FGF12: variants seen among roughly 807,000 people sequenced by gnomAD.
The protein encoded by FGF12 is fibroblast growth factor 12B.
A neutral mutation model predicts 23.6 loss-of-function variants in FGF12; 14 were observed. The ratio of observed to expected loss-of-function variants is 0.59; its 90% confidence interval spans 0.39 to 0.93. The LOEUF (loss-of-function observed/expected upper bound fraction) is 0.93. Among genes scored for constraint, FGF12 ranks in the 40% least tolerant of loss-of-function variants. The probability of loss-of-function intolerance (pLI) is 0.00; values close to 1 mark genes in which losing one functional copy is unlikely to be tolerated. For synonymous variants in FGF12, 62 were observed against 77.3 expected (o/e 0.80, Z 1.04); for missense variants, 175 against 217.8 (o/e 0.80, Z 1.24).
At chr3:192,458,295 T>A (rs1210983765) in intron 2 of FGF12, among the ~76,000 whole-genome samples, 2 of 152,058 alleles carry the variant, frequency 1.3e-5, no homozygotes, top group African/African-American at 2.4e-5. Flanking sequence ...GACCCCAGAA[T>A]GGCAGATCTA....
At chr3:192,531,060 C>A (rs1261929965) in intron 2 of FGF12, among the ~76,000 whole-genome samples, 1 of 152,224 alleles carries the variant, frequency 6.6e-6, no homozygotes, top group African/African-American at 2.4e-5. Context: ...GATGCACCCA[C>A]CTCGGCCTCT....
intron 4 of FGF12, among the ~76,000 whole-genome samples, chr3:192,224,602 A>C (rs75451025): frequency 0.014 from 2,152 of 152,066 alleles, 40 homozygotes; most frequent in East Asian, 0.051. Context: ...CTTATTCTTA[A>C]ATTTCTTCTT....
intron 2 of FGF12, among the ~76,000 whole-genome samples, chr3:192,484,001 A>G (rs1238379910): frequency 1.3e-5 from 2 of 152,172 alleles, no homozygotes; most frequent in African/African-American, 4.8e-5. Flanking sequence ...ACTGATCAAT[A>G]TAAAAAAAAT....
At chr3:192,564,973 T>C (rs1712210148) in intron 2 of FGF12, among the ~76,000 whole-genome samples, 1 of 152,226 alleles carries the variant, frequency 6.6e-6, no homozygotes. Context: ...CTGACATTAC[T>C]ACTGATCTCA....
intron 2 of FGF12, among the ~76,000 whole-genome samples, chr3:192,699,268 T>C (rs558112734): frequency 6.6e-6 from 1 of 152,332 alleles, no homozygotes; most frequent in East Asian, 1.9e-4. Context: ...TTCATTTTGT[T>C]ATACCTTAGT....
rs1050118204 is a variant in FGF12 at position 192,409,507 on chromosome 3, C to T, written c.14-48969G>A. Among the ~76,000 whole-genome samples, 2 of 152,236 alleles carry T rather than the reference C, an allele frequency of 1.3e-5. No individual in the cohort carries two copies. Among genetic ancestry groups the T allele is most frequent in the African/African-American group, 2.4e-5 (1 of 41,474 alleles). ...GCTCGCGCGCCCCGGCAGTCAGCAG[C>T]TCACAGGCAGCAGATCAGATGGGGA... On this transcript the variant is annotated intron_variant, in intron 2 of 5. Coordinates refer to ENST00000445105, the MANE Select transcript of FGF12 (RefSeq NM_004113.6). The surrounding 1 kb of genome is among the most constrained non-coding windows in gnomAD (Gnocchi z 4.8).
intron 4 of FGF12, among the ~76,000 whole-genome samples, chr3:192,323,617 G>T (rs773527872): frequency 2.0e-4 from 31 of 152,164 alleles, no homozygotes; most frequent in Non-Finnish European, 4.3e-4. Context: ...TAGTTAGATA[G>T]AATGTTTCAG....
chr3:192,149,920 C>T (rs1164379717), intron 5 of FGF12, among the ~76,000 whole-genome samples: 1 of 111,388 alleles, frequency 9.0e-6, no homozygotes, highest in Non-Finnish European at 1.9e-5. Context: ...AACTAGTTTA[C>T]AGTCCCACCA....
chr3:192,500,906 T>C (rs1724115583), intron 2 of FGF12, among the ~76,000 whole-genome samples: 1 of 152,184 alleles, frequency 6.6e-6, no homozygotes, highest in African/African-American at 2.4e-5. Context: ...CAAGATCGCA[T>C]AAGTGGTACC....
intron 2 of FGF12, among the ~76,000 whole-genome samples, chr3:192,564,524 T>G (rs1283462148): frequency 2.0e-5 from 3 of 152,206 alleles, no homozygotes; most frequent in Admixed American, 1.3e-4. Context: ...ATGTGATATG[T>G]CTAATGAATT....
At chr3:192,646,217 A>AATCT (rs1418919039) in intron 2 of FGF12, among the ~76,000 whole-genome samples, 7 of 151,708 alleles carry the variant, frequency 4.6e-5, no homozygotes, top group Non-Finnish European at 7.4e-5. Flanking sequence ...ACACAATATC[A>AATCT]ATCAATCAAT....
At chr3:192,630,047 A>T (rs1397679599) in intron 2 of FGF12, among the ~76,000 whole-genome samples, 3 of 152,104 alleles carry the variant, frequency 2.0e-5, no homozygotes, top group Admixed American at 2.0e-4. Flanking sequence ...TTTCTTATGA[A>T]TGGTTTCACA....
At chr3:192,397,446 G>A (rs1306014629) in intron 2 of FGF12, among the ~76,000 whole-genome samples, 3 of 152,136 alleles carry the variant, frequency 2.0e-5, no homozygotes, top group Admixed American at 6.5e-5. Context: ...CTGAGCTTCT[G>A]AACTATCACC....
chr3:192,271,071 A>G (rs2108628262), intron 4 of FGF12, among the ~76,000 whole-genome samples: 1 of 152,336 alleles, frequency 6.6e-6, no homozygotes, highest in East Asian at 1.9e-4. Flanking sequence ...ACATTGCCAA[A>G]GATTTCTCTC....
At chr3:192,527,010 T>G (rs1724960727) in intron 2 of FGF12, among the ~76,000 whole-genome samples, 1 of 152,184 alleles carries the variant, frequency 6.6e-6, no homozygotes, top group Non-Finnish European at 1.5e-5. Context: ...CTGACTTGAA[T>G]GTGTCCTCAA....
intron 4 of FGF12, among the ~76,000 whole-genome samples, chr3:192,281,484 C>T (rs996710157): frequency 1.3e-5 from 2 of 152,024 alleles, no homozygotes; most frequent in African/African-American, 2.4e-5. Context: ...TTCTGAGATT[C>T]GAAGTACACA....
At position 192,528,887 on chromosome 3, in the gene FGF12, T is replaced by G. The variant is rs187463134; in HGVS notation, c.14-168349A>C. Among the ~76,000 whole-genome samples the G allele has an allele frequency of 2.6e-5, 4 of 152,256 alleles. No homozygotes were observed. In the East Asian group the frequency reaches 7.7e-4, roughly 29 times the overall value. On this transcript the variant is annotated intron_variant, in intron 2 of 5. Transcript: ENST00000445105. ...GACACAGGGCACCAAGTTCCTAGGC[T>G]GCACATAGCATGGGGACCCTGGGCC...
At chr3:192,709,773 G>T (rs767140433) in intron 2 of FGF12, among the ~76,000 whole-genome samples, 1 of 152,122 alleles carries the variant, frequency 6.6e-6, no homozygotes, top group Non-Finnish European at 1.5e-5. Flanking sequence ...TTTGAAGACC[G>T]ACTTAATCAC....
At chr3:192,519,529 T>C (rs766195286) in intron 2 of FGF12, among the ~76,000 whole-genome samples, 6 of 152,134 alleles carry the variant, frequency 3.9e-5, no homozygotes, top group Non-Finnish European at 8.8e-5. Flanking sequence ...ATTTCCATAT[T>C]GTAAAGTTAC....
Sources: allele counts gnomAD v4.1 joint callset (sites outside exome capture counted in the v4.1 genomes callset), GRCh38; gene constraint gnomAD v4.1.1; non-coding constraint Gnocchi (gnomAD v3.1); transcripts MANE v1.5; gene names NCBI Gene and HGNC (gene_info 2026-07-23, HGNC 2026-07-21).